TNFSF13B: variants seen among roughly 807,000 people sequenced by gnomAD.
The protein encoded by TNFSF13B is TNF superfamily member 13b, also known as tumor necrosis factor ligand superfamily member 13B.
Under a neutral mutation model 29.1 loss-of-function variants are expected in TNFSF13B, and 8 were observed. The observed-to-expected ratio is 0.27, with a 90% CI of 0.16 to 0.50. The LOEUF is 0.50. Ranked by LOEUF, TNFSF13B falls within the 20% of genes least tolerant of loss-of-function variation. TNFSF13B has a pLI of 0.98. For missense variants in TNFSF13B, 248 were observed against 334.9 expected (o/e 0.74, Z 2.03); for synonymous variants, 125 against 130.8 (o/e 0.96, Z 0.30).
intron 2 of TNFSF13B, among the ~76,000 whole-genome samples, chr13:108,273,636 G>A (rs1300915617): frequency 1.3e-5 from 2 of 152,132 alleles, no homozygotes; most frequent in African/African-American, 4.8e-5. Flanking sequence ...AAAACACCAT[G>A]TGATGCTAAT....
At chr13:108,281,789 A>C (rs1346032854) in intron 2 of TNFSF13B, among the ~76,000 whole-genome samples, 2 of 152,226 alleles carry the variant, frequency 1.3e-5, no homozygotes, top group African/African-American at 4.8e-5. Flanking sequence ...TCAACCTTAT[A>C]AACTAGCTTC....
intron 2 of TNFSF13B, among the ~76,000 whole-genome samples, chr13:108,277,217 A>T (rs1222688399): frequency 6.6e-6 from 1 of 152,206 alleles, no homozygotes; most frequent in Non-Finnish European, 1.5e-5. Context: ...GAAAGCTGCA[A>T]CCCAGAGAAT....
At chr13:108,279,001 AT>A (rs1880855262) in intron 2 of TNFSF13B, among the ~76,000 whole-genome samples, 1 of 152,220 alleles carries the variant, frequency 6.6e-6, no homozygotes, top group South Asian at 2.1e-4. Flanking sequence ...TGTTTCCTAT[AT>A]AACTGAGGGT....
Position 108,296,892 on chromosome 13 carries a change from C to T in TNFSF13B, c.482-6361C>T, listed in dbSNP as rs560638753. Among the ~76,000 whole-genome samples, 11 of 145,326 alleles carry T rather than the reference C, an allele frequency of 7.6e-5. 1 individual carries two copies. Among genetic ancestry groups the T allele is most frequent in the South Asian group, 4.3e-4 (2 of 4,688 alleles). On this transcript the variant is annotated intron_variant, in intron 3 of 5. Transcript: ENST00000375887. Reference sequence around the variant, plus strand: ...TATGTTGTTATTGTCACAAAATATACGCTTATACATTGTAAGCCCTTAACA... The same window carrying T: ...TATGTTGTTATTGTCACAAAATATATGCTTATACATTGTAAGCCCTTAACA...
At position 108,296,480 on chromosome 13, in the gene TNFSF13B, T is replaced by G. The variant is rs1881461841; in HGVS notation, c.482-6773T>G. Among the ~76,000 whole-genome samples, 2 of 145,602 alleles carry G rather than the reference T, an allele frequency of 1.4e-5. 1 individual carries two copies. Among genetic ancestry groups the G allele is most frequent in the Non-Finnish European group, 3.1e-5 (2 of 65,434 alleles). On this transcript the variant is annotated intron_variant, in intron 3 of 5. Transcript: ENST00000375887. The stretch of plus-strand genomic sequence containing the variant: ...TGAAACCTTGAAACACAAAAACCTG[T>G]TTGTGTTTTTGAATCTGAAGTGAGT...
intron 2 of TNFSF13B, among the ~76,000 whole-genome samples, chr13:108,280,333 A>C (rs1264671246): frequency 6.6e-6 from 1 of 152,196 alleles, no homozygotes; most frequent in East Asian, 1.9e-4. Flanking sequence ...TGAGAAAGAT[A>C]AAGCATTATA....
chr13:108,277,871 G>C (rs1245330566), intron 2 of TNFSF13B, among the ~76,000 whole-genome samples: 3 of 152,206 alleles, frequency 2.0e-5, no homozygotes, highest in Non-Finnish European at 4.4e-5. Flanking sequence ...TGTTTTGTCA[G>C]CAACGCCTTT....
chr13:108,300,129 A>C (rs142710052), intron 3 of TNFSF13B, among the ~76,000 whole-genome samples: 71 of 152,318 alleles, frequency 4.7e-4, no homozygotes, highest in African/African-American at 1.6e-3. Context: ...AAGAGAATAT[A>C]CTACCTCTAT....
At chr13:108,288,818 A>T (rs762955547) in intron 3 of TNFSF13B, among the ~76,000 whole-genome samples, 20 of 152,188 alleles carry the variant, frequency 1.3e-4, no homozygotes, top group Non-Finnish European at 2.5e-4. Flanking sequence ...TTGTGAACGA[A>T]CTACGAGTTC....
chr13:108,284,251 C>T (rs530410198), intron 2 of TNFSF13B, among the ~76,000 whole-genome samples: 58 of 152,270 alleles, frequency 3.8e-4, no homozygotes, highest in African/African-American at 1.3e-3. Flanking sequence ...ATGGCGTGAG[C>T]GCGGGAGGCG....
At chr13:108,303,116 C>T (rs1224145) in intron 3 of TNFSF13B, 137 bp from the exon 4 acceptor site, 91 of 704,366 alleles carry the variant, frequency 1.3e-4, no homozygotes, top group Admixed American at 5.0e-4. Flanking sequence ...TTCCTTTTTC[C>T]TTTTTTTTCT....
In TNFSF13B at chr13:108,306,952, T is replaced by C. The variant is rs373756878; in HGVS notation, c.*14T>C. 91 of 1,405,932 alleles carry C rather than the reference T, an allele frequency of 6.5e-5. No homozygotes were observed. In the Middle Eastern group the frequency reaches 7.4e-4, roughly 11 times the overall value. 87.1% of individuals were successfully genotyped at this position (1,405,932 alleles called of 1,614,324 possible). A position where few individuals can be genotyped will look rare whatever the true frequency, so the allele number is the denominator to read the frequency against. ...AAACTGCTGTGACCTACTTACACCA[T>C]GTCTGTAGCTATTTTCCTCCCTTTC... On this transcript the variant is annotated 3_prime_UTR_variant, in exon 6 of 6. Coordinates refer to ENST00000375887, the MANE Select transcript of TNFSF13B (RefSeq NM_006573.5).
In TNFSF13B at chr13:108,270,064, C is replaced by T. The variant is rs768815621; in HGVS notation, c.169C>T (p.Leu57=). The T allele has an allele frequency of 6.2e-7, 1 of 1,608,694 alleles. No individual in the cohort carries two copies. The highest frequency in any genetic ancestry group is 8.5e-7 in the Non-Finnish European group (1 of 1,179,982). ...GGCTGCAACCTTGCTGCTGGCACTG[C>T]TGTCTTGCTGCCTCACGGTGGTGTC... is the stretch of plus-strand genomic sequence containing the variant. ...LLAATLLLAL[L]SCCLTVVSFY... Residue 57 remains leucine, a synonymous_variant, in exon 1 of 6, where the codon CTG becomes TTG. Coordinates refer to ENST00000375887, the MANE Select transcript of TNFSF13B (RefSeq NM_006573.5).
chr13:108,307,260 A>G lies in TNFSF13B; in HGVS notation c.*322A>G, dbSNP rs1401192989. 4.8e-6 allele frequency: 1 copy of G among 206,880 alleles called. No homozygotes were observed. The highest frequency in any genetic ancestry group is 9.6e-6 in the Non-Finnish European group (1 of 104,562). 12.8% of individuals were successfully genotyped at this position (206,880 alleles called of 1,614,324 possible). On this transcript the variant is annotated 3_prime_UTR_variant, in exon 6 of 6. Transcript: ENST00000375887. ...GCTTCTTATCTTGGAGGAAGGACAC[A>G]ATTCAAAGGGGCAGTAAGGATTTTG...
intron 3 of TNFSF13B, among the ~76,000 whole-genome samples, chr13:108,296,147 T>C (rs1881452996): frequency 1.4e-5 from 2 of 145,878 alleles, no homozygotes; most frequent in East Asian, 1.9e-4. Flanking sequence ...TATTGCCTTA[T>C]TGATCTCTTA....
chr13:108,277,351 T>C (rs1480856800), intron 2 of TNFSF13B, among the ~76,000 whole-genome samples: 1 of 152,222 alleles, frequency 6.6e-6, no homozygotes, highest in Non-Finnish European at 1.5e-5. Context: ...ATCTAAATGA[T>C]GACTTCAATC....
chr13:108,300,034 A>C, intron 3 of TNFSF13B, among the ~76,000 whole-genome samples: 1 of 152,296 alleles, frequency 6.6e-6, no homozygotes, highest in Non-Finnish European at 1.5e-5. Context: ...AAATCAATCT[A>C]AATTATTATA....
intron 3 of TNFSF13B, among the ~76,000 whole-genome samples, chr13:108,290,084 A>C (rs190828835): frequency 6.6e-6 from 1 of 152,316 alleles, no homozygotes; most frequent in East Asian, 1.9e-4. Context: ...ATGCAAATGT[A>C]GCTCTGCTTC....
At chr13:108,282,572 G>T (rs1880988231) in intron 2 of TNFSF13B, among the ~76,000 whole-genome samples, 1 of 152,040 alleles carries the variant, frequency 6.6e-6, no homozygotes, top group South Asian at 2.1e-4. Flanking sequence ...GTTAAATATT[G>T]ATCAATAGCA....
Sources: allele counts gnomAD v4.1 joint callset (sites outside exome capture counted in the v4.1 genomes callset), GRCh38; gene constraint gnomAD v4.1.1; transcripts MANE v1.5; gene names NCBI Gene and HGNC (gene_info 2026-07-23, HGNC 2026-07-21).